The following ANO3 variants were observed in gnomAD, a reference collection of about 807,000 sequenced individuals.
ANO3 encodes the protein anoctamin-3.
ANO3 carries 99 observed loss-of-function variants against 144.8 expected under a neutral mutation model. The ratio of observed to expected loss-of-function variants is 0.68; its 90% CI spans 0.58 to 0.81. The LOEUF is 0.81. Among genes scored for constraint, ANO3 ranks in the 30% least tolerant of loss-of-function variants. The pLI is 0.00. For synonymous variants in ANO3, 414 were observed against 392.6 expected, an observed-to-expected ratio of 1.05 and a Z score of -0.64; for missense variants, 905 against 1,202.2, an observed-to-expected ratio of 0.75 and a Z score of 3.66.
intron 4 of ANO3, among the ~76,000 whole-genome samples, chr11:26,500,963 T>C (rs1054022359): frequency 1.3e-5 from 2 of 152,160 alleles, no homozygotes; most frequent in Non-Finnish European, 2.9e-5. Context: ...AGGTAAACCA[T>C]AACATCAGGC....
At chr11:26,293,530 C>CATAT (rs375743472) in intron 1 of ANO3, among the ~76,000 whole-genome samples, 2,076 of 62,288 alleles carry the variant, frequency 0.033, 412 homozygotes, top group East Asian at 0.048. Context: ...CTATAAATTC[C>CATAT]ATGTATATAT....
At chr11:26,441,628 A>T (rs972282046) in intron 1 of ANO3, among the ~76,000 whole-genome samples, 4 of 152,234 alleles carry the variant, frequency 2.6e-5, no homozygotes, top group African/African-American at 9.6e-5. Context: ...AATTGTTGTC[A>T]TAATTCCCCA....
chr11:26,484,739 A>G (rs768061455), intron 4 of ANO3, among the ~76,000 whole-genome samples: 18 of 152,160 alleles, frequency 1.2e-4, no homozygotes, highest in Non-Finnish European at 2.1e-4. Context: ...CAGGCACTCA[A>G]TACCAACCCA....
chr11:26,489,551 T>A (rs1051749457), intron 4 of ANO3, among the ~76,000 whole-genome samples: 6 of 152,156 alleles, frequency 3.9e-5, no homozygotes, highest in Non-Finnish European at 2.9e-5. Flanking sequence ...CAACAGCTTG[T>A]ACCATGTGCC....
chr11:26,660,158 G>A, intron 26 of ANO3, 104 bp from the exon 27 acceptor site: 1 of 994,616 alleles, frequency 1.0e-6, no homozygotes. Flanking sequence ...ACTAAGTTCT[G>A]ATGCTTGATT....
intron 1 of ANO3, among the ~76,000 whole-genome samples, chr11:26,232,218 C>A (rs1852415407): frequency 6.6e-6 from 1 of 152,050 alleles, no homozygotes; most frequent in Non-Finnish European, 1.5e-5. Flanking sequence ...ACAATATGAA[C>A]CCATGAGGGT....
intron 4 of ANO3, among the ~76,000 whole-genome samples, chr11:26,475,370 A>G (rs1267299042): frequency 6.6e-6 from 1 of 152,014 alleles, no homozygotes; most frequent in Non-Finnish European, 1.5e-5. Context: ...AAATTAATCT[A>G]GCTTTTTTTG....
At chr11:26,538,053 A>G (rs1698473864) in intron 10 of ANO3, among the ~76,000 whole-genome samples, 3 of 152,322 alleles carry the variant, frequency 2.0e-5, no homozygotes, top group Admixed American at 6.5e-5. Flanking sequence ...TTCAAAGACT[A>G]TCACACTTCT....
intron 1 of ANO3, among the ~76,000 whole-genome samples, chr11:26,213,125 C>T (rs1221984232): frequency 1.3e-5 from 2 of 151,954 alleles, no homozygotes; most frequent in East Asian, 1.9e-4. Flanking sequence ...ATTGATGAAA[C>T]GTTATCTCAA....
At chr11:26,496,972 GTGTA>G (rs1238571490) in intron 4 of ANO3, among the ~76,000 whole-genome samples, 1 of 74,006 alleles carries the variant, frequency 1.4e-5, no homozygotes, top group Non-Finnish European at 3.0e-5. Context: ...AAAATGTTGT[GTGTA>G]TATATATATA....
intron 1 of ANO3, among the ~76,000 whole-genome samples, chr11:26,387,220 C>T (rs1308696863): frequency 6.6e-6 from 1 of 151,134 alleles, no homozygotes; most frequent in Non-Finnish European, 1.5e-5. Flanking sequence ...GAGCCGTCCA[C>T]CTCAGCCTCC....
chr11:26,554,794 C>G (rs1850038421), intron 13 of ANO3, among the ~76,000 whole-genome samples: 1 of 152,098 alleles, frequency 6.6e-6, no homozygotes, highest in Non-Finnish European at 1.5e-5. Context: ...GGGAACTCTT[C>G]AAGGCAGTAA....
At chr11:26,294,579 C>G (rs995933123) in intron 1 of ANO3, among the ~76,000 whole-genome samples, 3 of 152,092 alleles carry the variant, frequency 2.0e-5, no homozygotes, top group African/African-American at 7.2e-5. Flanking sequence ...AACCAAGGGT[C>G]AGTAGGATTA....
chr11:26,628,797 T>C (rs1852674557), intron 18 of ANO3, among the ~76,000 whole-genome samples: 1 of 152,176 alleles, frequency 6.6e-6, no homozygotes. Flanking sequence ...GGGGCTGGTG[T>C]GTAAGAGGGC....
chr11:26,428,612 A>C (rs1857988447), intron 1 of ANO3, among the ~76,000 whole-genome samples: 1 of 152,164 alleles, frequency 6.6e-6, no homozygotes, highest in Non-Finnish European at 1.5e-5. Flanking sequence ...AACTCAGAGG[A>C]TATTGCAACC....
At chr11:26,209,896 C>G (rs1851896252) in intron 1 of ANO3, among the ~76,000 whole-genome samples, 2 of 152,038 alleles carry the variant, frequency 1.3e-5, no homozygotes, top group Non-Finnish European at 2.9e-5. Flanking sequence ...TAGACTTTGT[C>G]AGATGGATAG....
chr11:26,426,840 G>T (rs1052834299), intron 1 of ANO3, among the ~76,000 whole-genome samples: 1 of 152,186 alleles, frequency 6.6e-6, no homozygotes, highest in Non-Finnish European at 1.5e-5. Context: ...ACTGTTAGAC[G>T]TAGAAACATC....
intron 1 of ANO3, among the ~76,000 whole-genome samples, chr11:26,247,665 T>C (rs1438058987): frequency 1.3e-5 from 2 of 151,910 alleles, no homozygotes; most frequent in Non-Finnish European, 2.9e-5. Flanking sequence ...ATTATTTATT[T>C]TGAACAGATG....
rs779922675 is a variant in ANO3 at position 26,443,843 on chromosome 11, T to C, written c.313+7T>C. On this transcript the variant is annotated splice_region_variant and intron_variant, in intron 3 of 26. Transcript: ENST00000256737. ...CTCAGCGATTTTTGTTTGGGTAAGTTGATAATCAGTATTTACCTACTCCTT... is the reference window on the plus strand; with the variant it reads ...CTCAGCGATTTTTGTTTGGGTAAGTCGATAATCAGTATTTACCTACTCCTT... 7 of 1,601,546 alleles carry C rather than the reference T, an allele frequency of 4.4e-6. No homozygotes were observed. Among genetic ancestry groups the C allele is most frequent in the Admixed American group, 1.7e-5 (1 of 59,732 alleles).
Sources: gnomAD v4.1 joint callset for allele counts (sites outside exome capture counted in the v4.1 genomes callset) on GRCh38, gnomAD v4.1.1 for gene constraint, MANE v1.5 for transcripts, NCBI Gene and HGNC (gene_info 2026-07-23, HGNC 2026-07-21) for gene names.